ZNF804B: variants seen among roughly 807,000 people sequenced by gnomAD.
ZNF804B encodes zinc finger protein 804B.
Under a neutral mutation model 101.4 loss-of-function variants are expected in ZNF804B, and 80 were observed. The ratio of observed to expected loss-of-function variants is 0.79; its 90% CI spans 0.66 to 0.95. ZNF804B has a LOEUF of 0.95. ZNF804B is among the 40% of genes least tolerant of loss of function. The pLI, the probability that ZNF804B is intolerant of heterozygous loss-of-function variation, is 0.00. For synonymous variants in ZNF804B, 622 were observed against 558.8 expected (o/e 1.11, Z -1.59); for missense variants, 1,673 against 1,561.9 (o/e 1.07, Z -1.20).
At chr7:89,001,951 T>G (rs1328195185) in intron 1 of ZNF804B, among the ~76,000 whole-genome samples, 1 of 150,668 alleles carries the variant, frequency 6.6e-6, no homozygotes, top group Non-Finnish European at 1.5e-5. Context: ...AATTAAAAAT[T>G]TTTAAATTAA....
chr7:89,161,601 C>G (rs1182986872), intron 1 of ZNF804B, among the ~76,000 whole-genome samples: 1 of 151,946 alleles, frequency 6.6e-6, no homozygotes, highest in Non-Finnish European at 1.5e-5. Context: ...GTTACCCAGA[C>G]TGGTCTCAAA....
intron 2 of ZNF804B, among the ~76,000 whole-genome samples, chr7:89,248,466 G>GAAAAAAA (rs139869508): frequency 0.39 from 55,049 of 139,784 alleles, 11,339 homozygotes; most frequent in Middle Eastern, 0.52. Context: ...AGCATTCTTT[G>GAAAAAAA]AAAAAAAAAG....
At chr7:89,103,896 T>G (rs548381041) in intron 1 of ZNF804B, among the ~76,000 whole-genome samples, 89 of 152,068 alleles carry the variant, frequency 5.9e-4, no homozygotes, top group African/African-American at 2.0e-3. Flanking sequence ...TATTTTGAGG[T>G]GTTTTATGTA....
intron 1 of ZNF804B, among the ~76,000 whole-genome samples, chr7:88,765,472 C>T (rs973075496): frequency 2.0e-5 from 3 of 152,060 alleles, no homozygotes; most frequent in Non-Finnish European, 2.9e-5. Context: ...GCTTGAAATG[C>T]CAGTTGGTTT....
Position 89,333,859 on chromosome 7 carries a change from C to T in ZNF804B, c.877C>T (p.His293Tyr). 6.3e-7 allele frequency: 1 copy of T among 1,576,242 alleles called. No homozygotes were observed. The highest frequency in any genetic ancestry group is 8.6e-7 in the Non-Finnish European group (1 of 1,157,130). Residue 293 changes from histidine (H) to tyrosine (Y), a missense_variant, in exon 4 of 4, where the codon CAC (histidine) becomes TAC (tyrosine). His to Tyr is a moderately conservative substitution (Grantham distance 83). Transcript: ENST00000333190. Reference protein sequence around the residue: ...ISPSHLESVLHNTISINSKIL... With the variant: ...ISPSHLESVLYNTISINSKIL... Reference sequence around the variant, plus strand: ...ACCAAGCCATCTGGAAAGTGTTTTACACAATACCATCTCCATAAACTCTAA... The same window carrying T: ...ACCAAGCCATCTGGAAAGTGTTTTATACAATACCATCTCCATAAACTCTAA...
rs1159612915 is a variant in ZNF804B at position 89,220,022 on chromosome 7, C to T, written c.249+1727C>T. 2.7e-3 allele frequency among the ~76,000 whole-genome samples: 88 copies of T among 33,112 alleles called. 11 individuals carry two copies. Among genetic ancestry groups the T allele is most frequent in the African/African-American group, 9.4e-3 (65 of 6,908 alleles). 21.7% of individuals were successfully genotyped at this position (33,112 alleles called of 152,430 possible). ...GTATATGCACATATATGTGTGTATA[C>T]ATATATATACGCACATATATGTGCA... On this transcript the variant is annotated intron_variant, in intron 2 of 3. Coordinates refer to ENST00000333190, the MANE Select transcript of ZNF804B (RefSeq NM_181646.5).
intron 1 of ZNF804B, among the ~76,000 whole-genome samples, chr7:89,186,712 T>A (rs1442160897): frequency 6.6e-6 from 1 of 152,142 alleles, no homozygotes; most frequent in Non-Finnish European, 1.5e-5. Context: ...CACCTGGTTT[T>A]GAAATAAATG....
intron 1 of ZNF804B, among the ~76,000 whole-genome samples, chr7:88,942,125 C>T (rs1053223953): frequency 1.3e-5 from 2 of 151,816 alleles, no homozygotes; most frequent in African/African-American, 2.4e-5. Context: ...TGTATCTACT[C>T]ATAGTTATCT....
intron 2 of ZNF804B, among the ~76,000 whole-genome samples, chr7:89,232,952 C>T (rs527552954): frequency 4.6e-5 from 7 of 152,162 alleles, no homozygotes; most frequent in African/African-American, 9.6e-5. Flanking sequence ...GATGGAGTCT[C>T]GCTCTGTCGC....
intron 1 of ZNF804B, among the ~76,000 whole-genome samples, chr7:89,075,677 A>G (rs1474883071): frequency 2.0e-5 from 3 of 152,166 alleles, no homozygotes; most frequent in Non-Finnish European, 2.9e-5. Context: ...CGCCTAGTAG[A>G]GTATGAGAAG....
At chr7:88,776,775 C>CCAATTCTG in intron 1 of ZNF804B, among the ~76,000 whole-genome samples, 1 of 84,782 alleles carries the variant, frequency 1.2e-5, no homozygotes, top group African/African-American at 6.6e-5. Context: ...ATTAGTAACC[C>CCAATTCTG]ATAAACCCCC....
At chr7:88,873,872 G>C (rs577039485) in intron 1 of ZNF804B, among the ~76,000 whole-genome samples, 1 of 152,212 alleles carries the variant, frequency 6.6e-6, no homozygotes, top group South Asian at 2.1e-4. Context: ...GGTTACTGTA[G>C]CCTTGTAGTA....
chr7:89,018,093 G>C (rs558185217), intron 1 of ZNF804B, among the ~76,000 whole-genome samples: 1 of 152,006 alleles, frequency 6.6e-6, no homozygotes, highest in African/African-American at 2.4e-5. Context: ...TCGCATGTTC[G>C]ATATATTAGA....
intron 1 of ZNF804B, among the ~76,000 whole-genome samples, chr7:88,862,634 A>G (rs1583982987): frequency 6.6e-6 from 1 of 152,144 alleles, no homozygotes; most frequent in African/African-American, 2.4e-5. Context: ...CGTGATCACT[A>G]TGTAATTTTT....
intron 1 of ZNF804B, among the ~76,000 whole-genome samples, chr7:89,096,299 T>G (rs1202886244): frequency 6.6e-6 from 1 of 152,032 alleles, no homozygotes. Flanking sequence ...AGAATGTAAG[T>G]GTGGAAATTC....
At chr7:89,110,735 C>G (rs184619600) in intron 1 of ZNF804B, among the ~76,000 whole-genome samples, 1 of 151,988 alleles carries the variant, frequency 6.6e-6, no homozygotes, top group Admixed American at 6.6e-5. Context: ...TAGTTTACAT[C>G]GGGTTTCAGT....
intron 1 of ZNF804B, among the ~76,000 whole-genome samples, chr7:89,069,491 A>G (rs183980835): frequency 6.6e-6 from 1 of 151,048 alleles, no homozygotes; most frequent in African/African-American, 2.4e-5. Flanking sequence ...TATTTGATTC[A>G]TTCCTTTAAT....
chr7:88,883,388 G>T (rs1792071378), intron 1 of ZNF804B, among the ~76,000 whole-genome samples: 1 of 152,026 alleles, frequency 6.6e-6, no homozygotes, highest in African/African-American at 2.4e-5. Flanking sequence ...AACTAGACTA[G>T]ATTTACCAGA....
chr7:89,134,087 CA>C (rs894352579), intron 1 of ZNF804B, among the ~76,000 whole-genome samples: 4 of 151,678 alleles, frequency 2.6e-5, no homozygotes, highest in African/African-American at 9.7e-5. Flanking sequence ...TTAAGAAAAA[CA>C]AAAAAAGAAC....
Sources: allele counts gnomAD v4.1 joint callset (sites outside exome capture counted in the v4.1 genomes callset), GRCh38; gene constraint gnomAD v4.1.1; transcripts MANE v1.5; gene names NCBI Gene and HGNC (gene_info 2026-07-23, HGNC 2026-07-21).